Variants in HERC1 observed in about 807,000 individuals in gnomAD.
HERC1 encodes the protein probable E3 ubiquitin-protein ligase HERC1.
Under a neutral mutation model 554.3 loss-of-function variants are expected in HERC1, and 160 were observed. The ratio of observed to expected loss-of-function variants is 0.29; its 90% CI spans 0.25 to 0.33. The LOEUF (loss-of-function observed/expected upper bound fraction) is 0.33, where lower values mean the gene tolerates loss of function less well. Among genes scored for constraint, HERC1 ranks in the 10% least tolerant of loss-of-function variants. The pLI is 1.00. For synonymous variants in HERC1, 2,175 were observed against 2,131.7 expected (o/e 1.02, Z -0.56); for missense variants, 4,919 against 5,918.5 (o/e 0.83, Z 5.54).
In HERC1 at chr15:63,672,697, A is replaced by G; in HGVS notation, c.7847-3T>C. The G allele has an allele frequency of 3.8e-6, 6 of 1,578,100 alleles. No individual in the cohort carries two copies. The highest frequency in any genetic ancestry group is 5.2e-6 in the Non-Finnish European group (6 of 1,159,978). On this transcript the variant is annotated splice_polypyrimidine_tract_variant and splice_region_variant and intron_variant, in intron 38 of 77. Transcript: ENST00000443617. ...TTCTTCAGCTTGTTGATCAATCTCT[A>G]GAAACCAAAAAAAAGGTTAAGAAAG...
intron 52 of HERC1, among the ~76,000 whole-genome samples, chr15:63,652,042 G>C (rs11857787): frequency 1.3e-5 from 2 of 151,106 alleles, no homozygotes; most frequent in African/African-American, 2.4e-5. Context: ...TCTCAAAAAA[G>C]AAAAAAACAA....
intron 38 of HERC1, among the ~76,000 whole-genome samples, chr15:63,673,218 AT>A (rs911268583): frequency 2.5e-4 from 36 of 146,510 alleles, no homozygotes; most frequent in Admixed American, 7.6e-4. Context: ...GTATTTATAT[AT>A]TTTTTTTAAT....
chr15:63,621,878 G>C (rs567283099), intron 74 of HERC1, among the ~76,000 whole-genome samples: 1 of 152,116 alleles, frequency 6.6e-6, no homozygotes, highest in Non-Finnish European at 1.5e-5. Context: ...GGTTATTCTA[G>C]TTAGCCATTC....
At chr15:63,720,492 T>C (rs1242394474) in intron 19 of HERC1, among the ~76,000 whole-genome samples, 3 of 152,132 alleles carry the variant, frequency 2.0e-5, no homozygotes, top group Non-Finnish European at 4.4e-5. Context: ...CTCAAATTAA[T>C]TTTGGTTCTT....
rs752075074 is a variant in HERC1 at position 63,612,490 on chromosome 15, T to G, written c.14161A>C (p.Lys4721Gln). 6.2e-7 allele frequency: 1 copy of G among 1,614,028 alleles called. No individual in the cohort carries two copies. The highest frequency in any genetic ancestry group is 8.5e-7 in the Non-Finnish European group (1 of 1,179,884). ...PVPLLSLLTA[K>Q]QLEQMVCGMP... ...CCACACACCATCTGCTCCAGTTGTTTTGCTGTGAGGAGGGACAGCAGCGGC... is the reference window on the plus strand; with the variant it reads ...CCACACACCATCTGCTCCAGTTGTTGTGCTGTGAGGAGGGACAGCAGCGGC... The change falls in exon 77 of 78, where the codon AAA (lysine) becomes CAA (glutamine). Residue 4721 changes from lysine to glutamine, a missense_variant. Lys to Gln is a moderately conservative substitution (Grantham distance 53, BLOSUM62 1). Around this residue, in one of 11 missense-constraint regions of HERC1, gnomAD observed 284 missense variants for 294.1 expected, o/e 0.97. Coordinates refer to ENST00000443617, the MANE Select transcript of HERC1 (RefSeq NM_003922.4). The surrounding 1 kb of genome is among the most constrained non-coding windows in gnomAD (Gnocchi z 5.0).
In HERC1 at chr15:63,727,100, A is replaced by G. The variant is rs1431077606; in HGVS notation, c.3346+547T>C. Among the ~76,000 whole-genome samples the G allele has an allele frequency of 6.6e-6, 1 of 151,956 alleles. No homozygotes were observed. The highest frequency in any genetic ancestry group is 1.9e-4 in the East Asian group (1 of 5,188). On this transcript the variant is annotated intron_variant, in intron 17 of 77. Transcript: ENST00000443617. The surrounding 1 kb of genome is among the most constrained non-coding windows in gnomAD (Gnocchi z 4.3). ...AGAACAGCCTGGCCAACATGGTGAA[A>G]CCCCGTCTCTACTAAAAATACAAAA...
chr15:63,623,466 A>G (rs1391582719), intron 73 of HERC1, among the ~76,000 whole-genome samples: 1 of 152,232 alleles, frequency 6.6e-6, no homozygotes, highest in African/African-American at 2.4e-5. Context: ...TATTCTGCCA[A>G]TATTATAACA....
chr15:63,655,270 C>G (rs2069963943), intron 50 of HERC1, among the ~76,000 whole-genome samples: 1 of 152,298 alleles, frequency 6.6e-6, no homozygotes, highest in East Asian at 1.9e-4. Flanking sequence ...AGGAGAATCA[C>G]TTGAGCCCAG....
chr15:63,614,488 A>G (rs1213948131), intron 76 of HERC1, among the ~76,000 whole-genome samples: 1 of 152,252 alleles, frequency 6.6e-6, no homozygotes, highest in East Asian at 1.9e-4. Context: ...CTGTGTAAAT[A>G]GCATCACTGA....
chr15:63,735,650 T>C (rs1401265589), intron 12 of HERC1, among the ~76,000 whole-genome samples: 3 of 152,086 alleles, frequency 2.0e-5, no homozygotes, highest in Non-Finnish European at 4.4e-5. Flanking sequence ...CCTCATAACT[T>C]CTCTGGGTCA....
At position 63,697,789 on chromosome 15, in the gene HERC1, G is replaced by C. The variant is rs2072508956; in HGVS notation, c.4905+939C>G. ...CATTTAGTTAAGGCAATACCTGCCA[G>C]GTTTCTGCAATGTGAAGTTACAATT... On this transcript the variant is annotated intron_variant, in intron 26 of 77. Transcript: ENST00000443617. 3.3e-5 allele frequency among the ~76,000 whole-genome samples: 5 copies of C among 152,218 alleles called. No individual in the cohort carries two copies. The South Asian group carries it at 1.0e-3, about 32-fold the overall frequency.
chr15:63,613,559 G>A (rs2067692558), intron 76 of HERC1, among the ~76,000 whole-genome samples: 1 of 152,182 alleles, frequency 6.6e-6, no homozygotes, highest in Non-Finnish European at 1.5e-5. Context: ...GTAACTATGT[G>A]AGGTGATGGA....
intron 39 of HERC1, among the ~76,000 whole-genome samples, chr15:63,671,657 G>A (rs1258884093): frequency 6.6e-6 from 1 of 152,098 alleles, no homozygotes; most frequent in African/African-American, 2.4e-5. Flanking sequence ...GACTTGCTGA[G>A]GGATACAGCC....
intron 70 of HERC1, among the ~76,000 whole-genome samples, chr15:63,627,431 G>C (rs1327454341): frequency 1.3e-5 from 2 of 152,070 alleles, no homozygotes; most frequent in African/African-American, 4.8e-5. Flanking sequence ...CAGCACTTTG[G>C]GACGCTGAGG....
intron 2 of HERC1, among the ~76,000 whole-genome samples, chr15:63,772,278 G>C (rs899964176): frequency 3.9e-5 from 6 of 152,122 alleles, no homozygotes; most frequent in African/African-American, 1.4e-4. Flanking sequence ...TGTAGAATAA[G>C]GCCTTAGAAG....
intron 57 of HERC1, 91 bp downstream of exon 57, chr15:63,644,901 T>C: frequency 1.1e-6 from 1 of 933,454 alleles, no homozygotes. Context: ...TGGGATATAG[T>C]AATGACTTTT....
Position 63,727,855 on chromosome 15 carries a change from A to G in HERC1, c.3155-17T>C, listed in dbSNP as rs778110478. ...ATATCACATCTATGAAGGGCAAGAA[A>G]TTAAACATGGGACAATTGCTTCAAA... On this transcript the variant is annotated splice_polypyrimidine_tract_variant and intron_variant, in intron 16 of 77. Transcript: ENST00000443617. The surrounding 1 kb of genome is among the most constrained non-coding windows in gnomAD (Gnocchi z 4.3). The G allele has an allele frequency of 2.3e-5, 37 of 1,597,896 alleles. No individual in the cohort carries two copies. The highest frequency in any genetic ancestry group is 3.2e-5 in the Non-Finnish European group (37 of 1,168,626).
At chr15:63,633,494 TG>T (rs1177647906) in intron 67 of HERC1, among the ~76,000 whole-genome samples, 5 of 152,178 alleles carry the variant, frequency 3.3e-5, no homozygotes, top group Non-Finnish European at 5.9e-5. Context: ...TAAGCAGAAA[TG>T]GCAGCTGCAT....
At chr15:63,832,368 G>A (rs886348447) in intron 1 of HERC1, among the ~76,000 whole-genome samples, 7 of 151,934 alleles carry the variant, frequency 4.6e-5, no homozygotes, top group African/African-American at 7.3e-5. Context: ...CGCAGGCTAT[G>A]GAAACACATA....
Sources: gnomAD v4.1 joint callset for allele counts (sites outside exome capture counted in the v4.1 genomes callset) on GRCh38, gnomAD v4.1.1 for gene constraint, gnomAD v4.1.1 regional missense constraint, Gnocchi (gnomAD v3.1) non-coding constraint, MANE v1.5 for transcripts, NCBI Gene and HGNC (gene_info 2026-07-23, HGNC 2026-07-21) for gene names.